The following TBC1D30 variants were observed in gnomAD, a reference collection of about 807,000 sequenced individuals.
TBC1D30 encodes the protein TBC1 domain family, member 30.
In TBC1D30, 31 loss-of-function variants were observed where a neutral mutation model predicts 63.2. The ratio of observed to expected loss-of-function variants is 0.49; its 90% confidence interval spans 0.37 to 0.66. TBC1D30 has a LOEUF of 0.66. TBC1D30 is among the 30% of genes least tolerant of loss of function. TBC1D30 has a pLI of 0.00. For missense variants in TBC1D30, 810 were observed against 953.6 expected (o/e 0.85, Z 1.98); for synonymous variants, 307 against 361.5 (o/e 0.85, Z 1.71).
chr12:64,858,821 C>T (rs1198695986), intron 8 of TBC1D30, among the ~76,000 whole-genome samples: 1 of 152,100 alleles, frequency 6.6e-6, no homozygotes, highest in African/African-American at 2.4e-5. Context: ...TCATCGGGAG[C>T]CTATAGTCTC....
intron 2 of TBC1D30, among the ~76,000 whole-genome samples, chr12:64,801,828 G>A (rs1872595735): frequency 6.6e-6 from 1 of 152,294 alleles, no homozygotes; most frequent in East Asian, 1.9e-4. Context: ...GGTAAATTCA[G>A]ATGTGTTCTG....
chr12:64,798,228 G>C (rs1012186050), intron 2 of TBC1D30, among the ~76,000 whole-genome samples: 2 of 152,208 alleles, frequency 1.3e-5, no homozygotes, highest in Non-Finnish European at 2.9e-5. Context: ...GCTTTCAGAA[G>C]AATAAAGTCA....
intron 8 of TBC1D30, among the ~76,000 whole-genome samples, chr12:64,856,872 A>G (rs565244686): frequency 1.3e-5 from 2 of 152,046 alleles, no homozygotes; most frequent in African/African-American, 4.8e-5. Context: ...TGTGGCCACC[A>G]CCACCACTAG....
At chr12:64,788,049 AAG>A (rs1871700091) in intron 2 of TBC1D30, among the ~76,000 whole-genome samples, 1 of 152,126 alleles carries the variant, frequency 6.6e-6, no homozygotes, top group South Asian at 2.1e-4. Context: ...AAAAAAAAGA[AAG>A]AGTGCTGCTT....
intron 9 of TBC1D30, among the ~76,000 whole-genome samples, chr12:64,865,673 T>C (rs1878150240): frequency 1.3e-5 from 2 of 152,016 alleles, no homozygotes; most frequent in African/African-American, 2.4e-5. Flanking sequence ...CTGGGCAACG[T>C]AGCAAGACCC....
chr12:64,761,310 A>G (rs1455347041), intron 1 of TBC1D30, among the ~76,000 whole-genome samples: 1 of 152,208 alleles, frequency 6.6e-6, no homozygotes, highest in Non-Finnish European at 1.5e-5. Flanking sequence ...GAAATTGTGT[A>G]ATTAGTTGCC....
intron 1 of TBC1D30, 151 bp from the exon 2 acceptor site, chr12:64,827,684 T>G: frequency 1.7e-6 from 1 of 591,206 alleles, no homozygotes; most frequent in Non-Finnish European, 2.9e-6. Context: ...TCAATATGCT[T>G]ACCTTTTGGC....
chr12:64,779,837 T>C (rs909287125), upstream of TBC1D30, among the ~76,000 whole-genome samples: 1 of 152,170 alleles, frequency 6.6e-6, no homozygotes, highest in Admixed American at 6.5e-5. Context: ...CTTTATAGGG[T>C]TAAAGTGAGG....
intron 11 of TBC1D30, among the ~76,000 whole-genome samples, chr12:64,873,534 GTCAGTGAGCCGAAGACACA>G (rs1878817427): frequency 6.6e-6 from 1 of 152,120 alleles, no homozygotes. Flanking sequence ...GGGTAGGGGT[GTCAGTGAGCCGAAGACACA>G]TGAGGGGTTG....
intron 4 of TBC1D30, among the ~76,000 whole-genome samples, chr12:64,830,900 C>T (rs1165495564): frequency 2.0e-5 from 3 of 152,154 alleles, no homozygotes; most frequent in African/African-American, 7.2e-5. Context: ...TTCTTAACTG[C>T]CAATTTCTAA....
chr12:64,871,458 T>A (rs1878650745), intron 11 of TBC1D30, among the ~76,000 whole-genome samples: 1 of 152,228 alleles, frequency 6.6e-6, no homozygotes, highest in African/African-American at 2.4e-5. Context: ...GAAGTGAATA[T>A]CTTAATGAAA....
At chr12:64,797,419 TATTTAAC>T (rs1872344501) in intron 2 of TBC1D30, among the ~76,000 whole-genome samples, 1 of 152,242 alleles carries the variant, frequency 6.6e-6, no homozygotes, top group Non-Finnish European at 1.5e-5. Flanking sequence ...CTTGTGTACA[TATTTAAC>T]TTATTTATTC....
At chr12:64,859,469 G>A (rs1341478176) in intron 8 of TBC1D30, among the ~76,000 whole-genome samples, 1 of 152,188 alleles carries the variant, frequency 6.6e-6, no homozygotes, top group African/African-American at 2.4e-5. Flanking sequence ...TCCACGGGCA[G>A]CTCTGTGAAG....
At chr12:64,774,921 C>T (rs538045648) in intron 1 of TBC1D30, among the ~76,000 whole-genome samples, 72 of 151,772 alleles carry the variant, frequency 4.7e-4, no homozygotes, top group East Asian at 5.8e-4. Flanking sequence ...GGTGAATCCC[C>T]GTCTCTACTA....
intron 7 of TBC1D30, 128 bp downstream of exon 7, chr12:64,838,979 T>A (rs918132874): frequency 1.1e-6 from 1 of 906,566 alleles, no homozygotes; most frequent in Non-Finnish European, 1.6e-6. Flanking sequence ...TGCTTTAGCC[T>A]CCTGAAATCT....
chr12:64,810,335 A>G (rs941935535), intron 2 of TBC1D30, among the ~76,000 whole-genome samples: 7 of 152,060 alleles, frequency 4.6e-5, no homozygotes, highest in Non-Finnish European at 8.8e-5. Context: ...TTCCTCCCCC[A>G]TCATCGTCTG....
chr12:64,781,615 G>A (rs1184631153), intron 1 of TBC1D30, among the ~76,000 whole-genome samples: 3 of 152,120 alleles, frequency 2.0e-5, no homozygotes, highest in Non-Finnish European at 4.4e-5. Flanking sequence ...GGACAGGGTT[G>A]GAGGTTCTGA....
intron 1 of TBC1D30, among the ~76,000 whole-genome samples, chr12:64,760,948 A>G: frequency 6.6e-6 from 1 of 152,150 alleles, no homozygotes; most frequent in South Asian, 2.1e-4. Context: ...AAACCCAATC[A>G]TCAGGCTTAT....
chr12:64,856,743 A>C (rs1429030298), intron 8 of TBC1D30, among the ~76,000 whole-genome samples: 1 of 152,104 alleles, frequency 6.6e-6, no homozygotes, highest in African/African-American at 2.4e-5. Context: ...GATTGGAGTT[A>C]AAAACCTTAG....
Sources: gnomAD v4.1 joint callset for allele counts (sites outside exome capture counted in the v4.1 genomes callset) on GRCh38, gnomAD v4.1.1 for gene constraint, MANE v1.5 for transcripts, NCBI Gene and HGNC (gene_info 2026-07-23, HGNC 2026-07-21) for gene names.